The following KIF26B variants were observed in gnomAD, a reference collection of about 807,000 sequenced individuals.
The protein encoded by KIF26B is kinesin family member 26B, also known as kinesin-like protein KIF26B.
A neutral mutation model predicts 151.2 loss-of-function variants in KIF26B; 63 were observed. The observed-to-expected ratio is 0.42, with a 90% CI of 0.34 to 0.51. The LOEUF is 0.51. Among genes scored for constraint, KIF26B ranks in the 20% least tolerant of loss-of-function variants. The pLI, the probability that KIF26B is intolerant of heterozygous loss-of-function variation, is 0.07. For synonymous variants in KIF26B, 1,357 were observed against 1,262.1 expected (o/e 1.08, Z -1.59); for missense variants, 2,813 against 2,913.6 (o/e 0.97, Z 0.79).
chr1:245,217,621 C>T (rs1320163944), intron 2 of KIF26B, among the ~76,000 whole-genome samples: 1 of 152,132 alleles, frequency 6.6e-6, no homozygotes, highest in Non-Finnish European at 1.5e-5. Context: ...CTGCTCGCCT[C>T]AGCCTCCCAA....
At chr1:245,672,019 C>T (rs2044293255) in intron 10 of KIF26B, among the ~76,000 whole-genome samples, 1 of 151,588 alleles carries the variant, frequency 6.6e-6, no homozygotes, top group African/African-American at 2.4e-5. Flanking sequence ...TCTTTCTTGT[C>T]ACCATCACAT....
intron 2 of KIF26B, among the ~76,000 whole-genome samples, chr1:245,334,612 G>A (rs1293442642): frequency 2.0e-5 from 3 of 152,214 alleles, no homozygotes; most frequent in Non-Finnish European, 4.4e-5. Flanking sequence ...GCTCCCTGGA[G>A]GGTCAGCAGA....
At chr1:245,631,327 T>A (rs2043778965) in intron 9 of KIF26B, among the ~76,000 whole-genome samples, 1 of 152,244 alleles carries the variant, frequency 6.6e-6, no homozygotes, top group Non-Finnish European at 1.5e-5. Context: ...TTGAGAGTTT[T>A]TATCATGAAG....
chr1:245,165,221 G>A (rs915537321), intron 2 of KIF26B, among the ~76,000 whole-genome samples: 1 of 152,014 alleles, frequency 6.6e-6, no homozygotes, highest in African/African-American at 2.4e-5. Context: ...GGGAGAGGCA[G>A]CTCCGGCCTG....
At chr1:245,593,010 C>T (rs909548946) in intron 5 of KIF26B, among the ~76,000 whole-genome samples, 1 of 152,076 alleles carries the variant, frequency 6.6e-6, no homozygotes, top group Non-Finnish European at 1.5e-5. Flanking sequence ...ATGATCATTG[C>T]CATCTGGAAT....
chr1:245,172,504 G>T (rs1398080497), intron 2 of KIF26B, among the ~76,000 whole-genome samples: 1 of 152,170 alleles, frequency 6.6e-6, no homozygotes, highest in East Asian at 1.9e-4. Flanking sequence ...TTGACAGACA[G>T]GAGGTGTCCA....
chr1:245,217,337 T>C (rs61832174), intron 2 of KIF26B, among the ~76,000 whole-genome samples: 10,945 of 152,014 alleles, frequency 0.072, 503 homozygotes, highest in Middle Eastern at 0.15. Flanking sequence ...CACTCTCTTT[T>C]CTGGTGGTGA....
intron 4 of KIF26B, among the ~76,000 whole-genome samples, chr1:245,442,787 C>G (rs56382651): frequency 0.015 from 1,173 of 78,382 alleles, 3 homozygotes; most frequent in African/African-American, 0.023. Flanking sequence ...TGTTCACCTA[C>G]AGCGGTCATC....
At chr1:245,270,346 TCC>T (rs1670836473) in intron 2 of KIF26B, among the ~76,000 whole-genome samples, 1 of 139,120 alleles carries the variant, frequency 7.2e-6, no homozygotes. Context: ...TCCCTTCCCT[TCC>T]TCCTTCCCTT....
At chr1:245,293,672 G>A (rs1017568429) in intron 2 of KIF26B, among the ~76,000 whole-genome samples, 14 of 151,254 alleles carry the variant, frequency 9.3e-5, no homozygotes, top group African/African-American at 2.9e-4. Context: ...TCCACCTCCC[G>A]GGTTCAAGCA....
intron 4 of KIF26B, among the ~76,000 whole-genome samples, chr1:245,514,955 GTC>G (rs1660917880): frequency 6.6e-6 from 1 of 152,196 alleles, no homozygotes; most frequent in Non-Finnish European, 1.5e-5. Context: ...CGGTAGGTCT[GTC>G]TCTCAGACAC....
rs1412100075 is a variant in KIF26B, at chr1:245,319,380, G to GC, written c.466-47452dup. On this transcript the variant is annotated intron_variant, in intron 2 of 14. Transcript: ENST00000407071. ...CTCAGCATTTGTCGTGGAGTCTTCT[G>GC]CCATTGGCCATGTGCCAGGCCTGAC... Among the ~76,000 whole-genome samples the GC allele has an allele frequency of 2.6e-5, 4 of 152,352 alleles. No homozygotes were observed. In the East Asian group the frequency reaches 7.7e-4, roughly 29 times the overall value.
chr1:245,420,735 G>A (rs1237739507), intron 4 of KIF26B, among the ~76,000 whole-genome samples: 2 of 152,242 alleles, frequency 1.3e-5, no homozygotes, highest in African/African-American at 2.4e-5. Context: ...ACTAACATAA[G>A]ATGATGAGAA....
chr1:245,381,814 G>T (rs538633742), intron 3 of KIF26B, among the ~76,000 whole-genome samples: 17 of 147,440 alleles, frequency 1.2e-4, no homozygotes, highest in Non-Finnish European at 2.6e-4. Context: ...CATATAAGTG[G>T]GATCACACAG....
rs1660502681 is a variant in KIF26B at position 245,495,826 on chromosome 1, A to G, written c.1167-44941A>G. ...GGAGAAAAATGATTAAAGCCGTGAG[A>G]AAAAAATTCATTATTTTTAAAGGAG... On this transcript the variant is annotated intron_variant, in intron 4 of 14. Coordinates refer to ENST00000407071, the MANE Select transcript of KIF26B (RefSeq NM_018012.4). This position sits in a 1 kb window ranked among gnomAD's most constrained non-coding sequence, Gnocchi z 4.2. Among the ~76,000 whole-genome samples, 1 of 152,206 alleles carries G rather than the reference A, an allele frequency of 6.6e-6. No individual in the cohort carries two copies. The highest frequency in any genetic ancestry group is 2.4e-5 in the African/African-American group (1 of 41,444).
At chr1:245,593,750 G>A (rs919379272) in intron 5 of KIF26B, among the ~76,000 whole-genome samples, 11 of 152,170 alleles carry the variant, frequency 7.2e-5, no homozygotes, top group African/African-American at 2.4e-4. Flanking sequence ...TCACCACACT[G>A]TCTTCCACAA....
At chr1:245,430,274 C>T (rs1301769214) in intron 4 of KIF26B, among the ~76,000 whole-genome samples, 1 of 151,582 alleles carries the variant, frequency 6.6e-6, no homozygotes, top group African/African-American at 2.4e-5. Flanking sequence ...GTATATGTTG[C>T]GTAAATTTGT....
intron 3 of KIF26B, among the ~76,000 whole-genome samples, chr1:245,396,741 G>C (rs1263849773): frequency 6.6e-6 from 1 of 152,082 alleles, no homozygotes. Context: ...ACATGGTTCA[G>C]TTTTCCTGGC....
rs372939140 is a variant in KIF26B, at chr1:245,609,477, C to A, written c.1863C>A (p.Asp621Glu). Residue 621 changes from aspartate to glutamate, a missense_variant, in exon 8 of 15, where the codon GAC becomes GAA. Around this residue, in one of 3 missense-constraint regions of KIF26B, gnomAD observed 2,060 missense variants for 2,088.6 expected, o/e 0.99. Coordinates refer to ENST00000407071, the MANE Select transcript of KIF26B (RefSeq NM_018012.4). ...AGGTGGCCACGGGCAGCCTGCAGGA[C>A]GGCCAGTCCCCGGGCGTGTACCTCT... ...LSEVATGSLQ[D>E]GQSPGVYLCE... 1 of 1,601,094 alleles carries A rather than the reference C, an allele frequency of 6.2e-7. No homozygotes were observed. Among genetic ancestry groups the A allele is most frequent in the Non-Finnish European group, 8.5e-7 (1 of 1,173,720 alleles).
Sources: allele counts gnomAD v4.1 joint callset (sites outside exome capture counted in the v4.1 genomes callset), GRCh38; gene constraint gnomAD v4.1.1; regional missense constraint gnomAD v4.1.1; non-coding constraint Gnocchi (gnomAD v3.1); transcripts MANE v1.5; gene names NCBI Gene and HGNC (gene_info 2026-07-23, HGNC 2026-07-21).